KCNQ1: variants seen among roughly 807,000 people sequenced by gnomAD.
The protein encoded by KCNQ1 is potassium voltage-gated channel subfamily KQT member 1.
A neutral mutation model predicts 72.4 loss-of-function variants in KCNQ1; 49 were observed. The observed-to-expected ratio is 0.68, with a 90% CI of 0.54 to 0.86. The LOEUF (loss-of-function observed/expected upper bound fraction) is 0.86, where lower values mean the gene tolerates loss of function less well. Among genes scored for constraint, KCNQ1 ranks in the 40% least tolerant of loss-of-function variants. KCNQ1 has a pLI of 0.00. For synonymous variants in KCNQ1, 450 were observed against 412.6 expected, an observed-to-expected ratio of 1.09 and a Z score of -1.10; for missense variants, 790 against 945.1, an observed-to-expected ratio of 0.84 and a Z score of 2.15.
chr11:2,738,487 C>G (rs538904741), intron 11 of KCNQ1, among the ~76,000 whole-genome samples: 2 of 152,348 alleles, frequency 1.3e-5, no homozygotes, highest in East Asian at 3.9e-4. Context: ...CTGCTCACCT[C>G]TGCTGGGGGC....
chr11:2,703,606 C>T lies in KCNQ1; in HGVS notation c.1514+41525C>T, dbSNP rs1850857562. Among the ~76,000 whole-genome samples the T allele has an allele frequency of 6.6e-6, 1 of 152,078 alleles. No individual in the cohort carries two copies. On this transcript the variant is annotated intron_variant, in intron 11 of 15. Transcript: ENST00000155840. This position sits in a 1 kb window ranked among gnomAD's most constrained non-coding sequence, Gnocchi z 6.4. ...GGTGGGGGATTAGGGGAGGAAGTTG[C>T]TGAGCTAATTCTTTTGCATTTGCCA...
chr11:2,664,823 A>G lies in KCNQ1; in HGVS notation c.1514+2742A>G, dbSNP rs150028934. 8.3e-5 allele frequency: 33 copies of G among 398,662 alleles called. No homozygotes were observed. The highest frequency in any genetic ancestry group is 1.3e-4 in the Non-Finnish European group (30 of 226,108). 24.7% of individuals were successfully genotyped at this position (398,662 alleles called of 1,614,324 possible). ...CATTTCCATTTTTCTTCAGCATTCT[A>G]CTGATGTTAAATGTATTACCATGCT... On this transcript the variant is annotated intron_variant, in intron 11 of 15. Coordinates refer to ENST00000155840, the MANE Select transcript of KCNQ1 (RefSeq NM_000218.3). This position sits in a 1 kb window ranked among gnomAD's most constrained non-coding sequence, Gnocchi z 5.1.
chr11:2,699,643 C>CCGCGCCGAAGAAGCCCCGGGGAG (rs1267456013), intron 11 of KCNQ1: 1 of 364,698 alleles, frequency 2.7e-6, no homozygotes, highest in African/African-American at 2.5e-5. Context: ...CCCCCGGGGA[C>CCGCGCCGAAGAAGCCCCGGGGAG]AACCGCGCCG....
In KCNQ1 at chr11:2,735,335, A is replaced by C. The variant is rs910650109; in HGVS notation, c.1515-33509A>C. On this transcript the variant is annotated intron_variant, in intron 11 of 15. Transcript: ENST00000155840. This position sits in a 1 kb window ranked among gnomAD's most constrained non-coding sequence, Gnocchi z 7.7. ...GGTGGGGACAGGCTAATGGCAATTGAGGCCCTGCCCGGTGGAGGGTGGGCC... is the reference window on the plus strand; with the variant it reads ...GGTGGGGACAGGCTAATGGCAATTGCGGCCCTGCCCGGTGGAGGGTGGGCC... Among the ~76,000 whole-genome samples the C allele has an allele frequency of 6.6e-6, 1 of 151,978 alleles. No homozygotes were observed. Among genetic ancestry groups the C allele is most frequent in the Non-Finnish European group, 1.5e-5 (1 of 67,948 alleles).
In KCNQ1 at chr11:2,768,435, G is replaced by A. The variant is rs931525043; in HGVS notation, c.1515-409G>A. 6.6e-6 allele frequency among the ~76,000 whole-genome samples: 1 copy of A among 152,104 alleles called. No individual in the cohort carries two copies. Among genetic ancestry groups the A allele is most frequent in the Non-Finnish European group, 1.5e-5 (1 of 68,016 alleles). On this transcript the variant is annotated intron_variant, in intron 11 of 15. Coordinates refer to ENST00000155840, the MANE Select transcript of KCNQ1 (RefSeq NM_000218.3). This position sits in a 1 kb window ranked among gnomAD's most constrained non-coding sequence, Gnocchi z 6.7. ...GCTACAGGACACAGCAGCTGAAAGG[G>A]GCTGTGGGCATCGCCAGCATGTACC... is the stretch of plus-strand genomic sequence containing the variant.
At chr11:2,609,730 C>A in intron 10 of KCNQ1, 1 of 398,294 alleles carries the variant, frequency 2.5e-6, no homozygotes, top group South Asian at 1.3e-4. Context: ...TGTTTATAAT[C>A]ATTGTATCTT....
At position 2,621,396 on chromosome 11, in the gene KCNQ1, G is replaced by A. The variant is rs571868093; in HGVS notation, c.1393+32542G>A. On this transcript the variant is annotated intron_variant, in intron 10 of 15. Transcript: ENST00000155840. The surrounding 1 kb of genome is among the most constrained non-coding windows in gnomAD (Gnocchi z 5.7). Reference sequence around the variant, plus strand: ...CTTTGCCAATTCAATTGGATTATTCGTTTTTTGCTTGTTGATTGGTTTAAG... The same window carrying A: ...CTTTGCCAATTCAATTGGATTATTCATTTTTTGCTTGTTGATTGGTTTAAG... 34 of 398,568 alleles carry A rather than the reference G, an allele frequency of 8.5e-5. No individual in the cohort carries two copies. In the South Asian group the frequency reaches 1.1e-3, roughly 13 times the overall value. The allele number at this position is 398,568 out of a possible 1,614,324, so 24.7% of individuals were successfully genotyped here. A position where few individuals can be genotyped will look rare whatever the true frequency, so the allele number is the denominator to read the frequency against.
At chr11:2,666,349 G>A (rs990415911) in intron 11 of KCNQ1, 7 of 398,522 alleles carry the variant, frequency 1.8e-5, no homozygotes, top group Non-Finnish European at 2.7e-5. Context: ...TCCCTGGCAA[G>A]CATGTGCTTG....
In KCNQ1 at chr11:2,769,514, C is replaced by T. The variant is rs1318220514; in HGVS notation, c.1590+595C>T. ...CTTCTCCAGGGGCATGTCCCCCCTA[C>T]AGAAGCCCCTTAGAGCCCCCAGAGT... On this transcript the variant is annotated intron_variant, in intron 12 of 15. Transcript: ENST00000155840. The surrounding 1 kb of genome is among the most constrained non-coding windows in gnomAD (Gnocchi z 4.6). Among the ~76,000 whole-genome samples the T allele has an allele frequency of 6.6e-6, 1 of 152,224 alleles. No homozygotes were observed. Among genetic ancestry groups the T allele is most frequent in the Non-Finnish European group, 1.5e-5 (1 of 68,038 alleles).
Position 2,473,752 on chromosome 11 carries a change from C to G in KCNQ1, c.386+28268C>G, listed in dbSNP as rs899882911. Among the ~76,000 whole-genome samples the G allele has an allele frequency of 6.6e-6, 1 of 152,216 alleles. No homozygotes were observed. Among genetic ancestry groups the G allele is most frequent in the Non-Finnish European group, 1.5e-5 (1 of 68,032 alleles). On this transcript the variant is annotated intron_variant, in intron 1 of 15. Transcript: ENST00000155840. The surrounding 1 kb of genome is among the most constrained non-coding windows in gnomAD (Gnocchi z 6.0). Reference sequence around the variant, plus strand: ...AGATGGCAGCCTGCAGGTTGAAGCCCCCGACAGCTGGGGGAGGCATTGCTC... The same window carrying G: ...AGATGGCAGCCTGCAGGTTGAAGCCGCCGACAGCTGGGGGAGGCATTGCTC...
At chr11:2,807,370 G>A (rs1847397653) in intron 15 of KCNQ1, among the ~76,000 whole-genome samples, 1 of 152,136 alleles carries the variant, frequency 6.6e-6, no homozygotes, top group African/African-American at 2.4e-5. Context: ...TGATGTCCGG[G>A]ACCAGATAAG....
At position 2,481,191 on chromosome 11, in the gene KCNQ1, A is replaced by G. The variant is rs1331156531; in HGVS notation, c.386+35707A>G. On this transcript the variant is annotated intron_variant, in intron 1 of 15. Transcript: ENST00000155840. The surrounding 1 kb of genome is among the most constrained non-coding windows in gnomAD (Gnocchi z 4.6). Reference sequence around the variant, plus strand: ...CAATTCCAGTTACTCCTCACCAGACATAAGAAAATGCTTTTAGTAGATCAG... The same window carrying G: ...CAATTCCAGTTACTCCTCACCAGACGTAAGAAAATGCTTTTAGTAGATCAG... Among the ~76,000 whole-genome samples the G allele has an allele frequency of 6.6e-6, 1 of 152,234 alleles. No individual in the cohort carries two copies. Among genetic ancestry groups the G allele is most frequent in the Non-Finnish European group, 1.5e-5 (1 of 68,030 alleles).
At position 2,769,869 on chromosome 11, in the gene KCNQ1, A is replaced by T. The variant is rs1362535246; in HGVS notation, c.1590+950A>T. ...GCCACAGCCTCACCAGTCATAAGGC[A>T]CAGCCCAGGAAGGCTCAGCAATGTC... is the stretch of plus-strand genomic sequence containing the variant. On this transcript the variant is annotated intron_variant, in intron 12 of 15. Transcript: ENST00000155840. The surrounding 1 kb of genome is among the most constrained non-coding windows in gnomAD (Gnocchi z 4.6). 6.6e-6 allele frequency among the ~76,000 whole-genome samples: 1 copy of T among 152,028 alleles called. No individual in the cohort carries two copies. The highest frequency in any genetic ancestry group is 1.5e-5 in the Non-Finnish European group (1 of 67,976).
chr11:2,604,177 T>C (rs1321144466), intron 10 of KCNQ1, among the ~76,000 whole-genome samples: 1 of 152,014 alleles, frequency 6.6e-6, no homozygotes, highest in African/African-American at 2.4e-5. Flanking sequence ...CTCCTGGGCA[T>C]GAAAGAGATA....
intron 15 of KCNQ1, among the ~76,000 whole-genome samples, chr11:2,844,345 G>A (rs536650728): frequency 1.3e-5 from 2 of 152,198 alleles, no homozygotes; most frequent in Non-Finnish European, 2.9e-5. Flanking sequence ...CACCCCCGGG[G>A]CCTCTGTCAC....
At chr11:2,819,629 G>A (rs1339776727) in intron 15 of KCNQ1, among the ~76,000 whole-genome samples, 2 of 152,188 alleles carry the variant, frequency 1.3e-5, no homozygotes, top group Admixed American at 6.5e-5. Context: ...CAGTTATGGT[G>A]CCTGGGGTTT....
intron 6 of KCNQ1, among the ~76,000 whole-genome samples, chr11:2,580,207 T>C (rs2133745288): frequency 6.6e-6 from 1 of 151,298 alleles, no homozygotes; most frequent in Middle Eastern, 3.4e-3. Context: ...CCAGCCCCCC[T>C]CAGGCCAATT....
Position 2,679,440 on chromosome 11 carries a change from G to T in KCNQ1, c.1514+17359G>T, listed in dbSNP as rs1435846907. On this transcript the variant is annotated intron_variant, in intron 11 of 15. Transcript: ENST00000155840. This position sits in a 1 kb window ranked among gnomAD's most constrained non-coding sequence, Gnocchi z 4.8. ...ACCTTCCTCAGAGGGTTGTTAGGAG[G>T]ATTACACAAATTAATAATATAAAGT... The T allele has an allele frequency of 5.0e-6, 2 of 398,438 alleles. No homozygotes were observed. The highest frequency in any genetic ancestry group is 8.8e-6 in the Non-Finnish European group (2 of 226,076). 24.7% of individuals were successfully genotyped at this position (398,438 alleles called of 1,614,324 possible).
At chr11:2,780,332 A>G (rs572447297) in intron 15 of KCNQ1, among the ~76,000 whole-genome samples, 34 of 152,188 alleles carry the variant, frequency 2.2e-4, no homozygotes, top group Non-Finnish European at 3.8e-4. Context: ...TTATCAGTGC[A>G]GCCATCGGGA....
Sources: allele counts gnomAD v4.1 joint callset (sites outside exome capture counted in the v4.1 genomes callset), GRCh38; gene constraint gnomAD v4.1.1; non-coding constraint Gnocchi (gnomAD v3.1); transcripts MANE v1.5; gene names NCBI Gene and HGNC (gene_info 2026-07-23, HGNC 2026-07-21).